RNF115: variants seen among roughly 807,000 people sequenced by gnomAD.
RNF115 encodes the protein ring finger protein 115.
Under a neutral mutation model 39.2 loss-of-function variants are expected in RNF115, and 31 were observed. The ratio of observed to expected loss-of-function variants is 0.79; its 90% CI spans 0.59 to 1.07. The LOEUF (loss-of-function observed/expected upper bound fraction) is 1.07. Ranked by LOEUF, RNF115 falls within the 50% of genes least tolerant of loss-of-function variation. The probability of loss-of-function intolerance (pLI) is 0.00; values close to 1 mark genes in which losing one functional copy is unlikely to be tolerated. For synonymous variants in RNF115, 124 were observed against 131.0 expected (o/e 0.95, Z 0.37); for missense variants, 384 against 381.7 (o/e 1.01, Z -0.05).
At position 145,749,326 on chromosome 1, in the gene RNF115, C is replaced by T. The variant is rs587676842; in HGVS notation, c.667+1081G>A. Among the ~76,000 whole-genome samples, 13 of 152,310 alleles carry T rather than the reference C, an allele frequency of 8.5e-5. 1 individual carries two copies. The South Asian group carries it at 2.7e-3, about 32-fold the overall frequency. On this transcript the variant is annotated intron_variant, in intron 7 of 8. Transcript: ENST00000582693. ...ACGGTCTTAACCCTCCAAATATATC[C>T]TATACTTTGCTACAACTTAGTTTTC...
intron 1 of RNF115, among the ~76,000 whole-genome samples, chr1:145,815,715 T>C (rs1553723441): frequency 3.3e-5 from 5 of 151,022 alleles, no homozygotes; most frequent in African/African-American, 7.3e-5. Context: ...TGAAGTTACT[T>C]TAAGTATTTA....
intron 1 of RNF115, among the ~76,000 whole-genome samples, chr1:145,793,641 C>CAA: frequency 6.6e-6 from 1 of 151,472 alleles, no homozygotes; most frequent in Non-Finnish European, 1.5e-5. Flanking sequence ...CACACACACA[C>CAA]ACCCTCGAGA....
chr1:145,805,584 T>C (rs1649426839), intron 1 of RNF115, among the ~76,000 whole-genome samples: 1 of 152,204 alleles, frequency 6.6e-6, no homozygotes, highest in Non-Finnish European at 1.5e-5. Context: ...AGACTGTTCA[T>C]CATTATAAGA....
chr1:145,791,488 G>T (rs1648664243), intron 1 of RNF115, among the ~76,000 whole-genome samples: 1 of 151,230 alleles, frequency 6.6e-6, no homozygotes. Flanking sequence ...CTCCAGCCTG[G>T]GCAACAAGAG....
chr1:145,784,151 G>A (rs188004210), intron 3 of RNF115, among the ~76,000 whole-genome samples: 127 of 152,230 alleles, frequency 8.3e-4, no homozygotes, highest in African/African-American at 2.9e-3. Context: ...TTGTGACTTC[G>A]ACAACTTATC....
At chr1:145,800,413 A>G (rs1418937629) in intron 1 of RNF115, among the ~76,000 whole-genome samples, 2 of 152,184 alleles carry the variant, frequency 1.3e-5, no homozygotes, top group African/African-American at 2.4e-5. Flanking sequence ...TTCTTCTGCA[A>G]TGTGACCTTC....
chr1:145,771,150 G>A (rs1571733724), intron 4 of RNF115, among the ~76,000 whole-genome samples: 1 of 152,348 alleles, frequency 6.6e-6, no homozygotes, highest in African/African-American at 2.4e-5. Context: ...CAGTGGAGCA[G>A]TGTTGAAAGG....
At chr1:145,764,754 G>A (rs1195896906) in intron 4 of RNF115, among the ~76,000 whole-genome samples, 1 of 149,142 alleles carries the variant, frequency 6.7e-6, no homozygotes, top group Non-Finnish European at 1.5e-5. Flanking sequence ...CAGGAGGGAG[G>A]TGGGGGCCAG....
intron 1 of RNF115, among the ~76,000 whole-genome samples, chr1:145,803,261 T>C (rs190517901): frequency 6.0e-4 from 91 of 152,272 alleles, no homozygotes; most frequent in Non-Finnish European, 1.2e-3. Context: ...ACAGTTTCAG[T>C]GTTACACAAG....
chr1:145,752,838 C>G, intron 5 of RNF115, 140 bp downstream of exon 5: 2 of 578,626 alleles, frequency 3.5e-6, no homozygotes, highest in Non-Finnish European at 6.2e-6. Flanking sequence ...CCGCCAGCCT[C>G]GGCCTCCCAA....
In RNF115 at chr1:145,824,051, C is replaced by G; in HGVS notation, c.-178G>C. 2.0e-6 allele frequency: 1 copy of G among 493,472 alleles called. No individual in the cohort carries two copies. 30.6% of individuals were successfully genotyped at this position (493,472 alleles called of 1,614,324 possible). ...AAACGCGGCGGCGCCAACAGCTACC[C>G]TGCGGCCCGCCTCCCAGCACCAAAG... On this transcript the variant is annotated 5_prime_UTR_variant, in exon 1 of 9. Coordinates refer to ENST00000582693, the MANE Select transcript of RNF115 (RefSeq NM_014455.4).
At chr1:145,766,448 C>A (rs1488842311) in intron 4 of RNF115, among the ~76,000 whole-genome samples, 4 of 152,154 alleles carry the variant, frequency 2.6e-5, no homozygotes, top group Admixed American at 1.3e-4. Flanking sequence ...CTCACCTTTC[C>A]CCGCTTTCTA....
chr1:145,751,879 G>A (rs1319002401), intron 5 of RNF115, among the ~76,000 whole-genome samples: 1 of 152,104 alleles, frequency 6.6e-6, no homozygotes, highest in Non-Finnish European at 1.5e-5. Context: ...CTTCATGACT[G>A]GTCAAAATCT....
chr1:145,750,684 A>G lies in RNF115; in HGVS notation c.574-184T>C, dbSNP rs587702097. On this transcript the variant is annotated intron_variant, in intron 6 of 8. Transcript: ENST00000582693. ...GCCAGAACACTCATAATTGCTTTAC[A>G]ATTTCAGAGTGACGTTCGTATAAGC... Among the ~76,000 whole-genome samples, 7 of 152,282 alleles carry G rather than the reference A, an allele frequency of 4.6e-5. No individual in the cohort carries two copies. In the South Asian group the frequency reaches 1.5e-3, roughly 32 times the overall value.
intron 4 of RNF115, among the ~76,000 whole-genome samples, chr1:145,754,167 A>G (rs1317965522): frequency 6.6e-6 from 1 of 152,138 alleles, no homozygotes; most frequent in African/African-American, 2.4e-5. Flanking sequence ...ATTATTTTTC[A>G]TTATTTATTT....
chr1:145,762,609 A>G (rs1658575707), intron 4 of RNF115, among the ~76,000 whole-genome samples: 1 of 152,172 alleles, frequency 6.6e-6, no homozygotes, highest in Non-Finnish European at 1.5e-5. Flanking sequence ...ATTATACATC[A>G]AGGTGTAACT....
intron 4 of RNF115, among the ~76,000 whole-genome samples, chr1:145,764,246 C>G (rs1435606719): frequency 6.6e-6 from 1 of 152,214 alleles, no homozygotes; most frequent in Non-Finnish European, 1.5e-5. Context: ...AGTGCAGTGG[C>G]TTGATCTCGG....
In RNF115 at chr1:145,765,432, TA is replaced by T. The variant is rs587612036; in HGVS notation, c.428+6278del. ...AATGATCAATAAAAAAAAAAAAAATTAAAAAAAAATTATTTGAAGTGAAATA... is the reference window on the plus strand; with the variant it reads ...AATGATCAATAAAAAAAAAAAAAATTAAAAAAAATTATTTGAAGTGAAATA... On this transcript the variant is annotated intron_variant, in intron 4 of 8. Transcript: ENST00000582693. Among the ~76,000 whole-genome samples the T allele has an allele frequency of 1.0e-3, 153 of 150,372 alleles. 1 individual carries two copies. The highest frequency in any genetic ancestry group is 8.4e-3 in the South Asian group (40 of 4,746).
At chr1:145,819,655 A>G (rs1553724151) in intron 1 of RNF115, among the ~76,000 whole-genome samples, 1 of 152,202 alleles carries the variant, frequency 6.6e-6, no homozygotes, top group Admixed American at 6.5e-5. Flanking sequence ...GACACAATGA[A>G]AAAAGAAAAC....
Sources: gnomAD v4.1 joint callset for allele counts (sites outside exome capture counted in the v4.1 genomes callset) on GRCh38, gnomAD v4.1.1 for gene constraint, MANE v1.5 for transcripts, NCBI Gene and HGNC (gene_info 2026-07-23, HGNC 2026-07-21) for gene names.